Variants in NEGR1 observed in about 807,000 individuals in gnomAD.
The protein encoded by NEGR1 is IgLON family member 4.
NEGR1 carries 10 observed loss-of-function variants against 40.9 expected under a neutral mutation model. That is an observed-to-expected ratio of 0.24 (90% CI 0.15 to 0.42). The LOEUF is 0.42. NEGR1 is among the 10% of genes least tolerant of loss of function. The pLI is 1.00. For synonymous variants in NEGR1, 185 were observed against 166.8 expected, an observed-to-expected ratio of 1.11 and a Z score of -0.84; for missense variants, 352 against 438.9, an observed-to-expected ratio of 0.80 and a Z score of 1.77.
At chr1:71,655,118 T>C (rs559297899) in intron 4 of NEGR1, among the ~76,000 whole-genome samples, 2 of 152,330 alleles carry the variant, frequency 1.3e-5, no homozygotes, top group South Asian at 4.1e-4. Context: ...TTATTAAGTA[T>C]GCTTGTATTC....
At chr1:71,946,159 C>A (rs1461116409) in intron 1 of NEGR1, among the ~76,000 whole-genome samples, 2 of 152,128 alleles carry the variant, frequency 1.3e-5, no homozygotes, top group East Asian at 1.9e-4. Context: ...AGCGATCCAC[C>A]CGCCTTAGCC....
At position 72,244,186 on chromosome 1, in the gene NEGR1, T is replaced by G. The variant is rs116125570; in HGVS notation, c.176+38133A>C. Among the ~76,000 whole-genome samples the G allele has an allele frequency of 7.4e-4, 112 of 151,972 alleles. 1 individual carries two copies. The highest frequency in any genetic ancestry group is 1.4e-3 in the Admixed American group (22 of 15,238). ...ATATTCCATCATAAAAAAGTATTAC[T>G]GGATCTAGGCTGCTATTAATGCCTT... On this transcript the variant is annotated intron_variant, in intron 1 of 6. Transcript: ENST00000357731.
chr1:71,593,315 T>C (rs1649570191), intron 5 of NEGR1, among the ~76,000 whole-genome samples: 1 of 152,098 alleles, frequency 6.6e-6, no homozygotes, highest in African/African-American at 2.4e-5. Context: ...TTAAGGGAAA[T>C]AAATATAAAG....
chr1:71,483,669 T>C (rs1397330243), intron 6 of NEGR1, among the ~76,000 whole-genome samples: 1 of 151,742 alleles, frequency 6.6e-6, no homozygotes, highest in Non-Finnish European at 1.5e-5. Context: ...GAGAGTCTAA[T>C]GTCATGTTCA....
intron 1 of NEGR1, among the ~76,000 whole-genome samples, chr1:71,945,716 G>C (rs1018136043): frequency 2.0e-5 from 3 of 152,004 alleles, no homozygotes; most frequent in African/African-American, 7.2e-5. Flanking sequence ...CTTACATTCA[G>C]AAACCATATT....
chr1:71,626,713 G>A (rs1261395027), intron 4 of NEGR1, among the ~76,000 whole-genome samples: 4 of 151,952 alleles, frequency 2.6e-5, no homozygotes, highest in Non-Finnish European at 5.9e-5. Flanking sequence ...GCAACCAACA[G>A]AATGGGAGAA....
At chr1:71,513,917 G>T (rs1035344943) in intron 6 of NEGR1, among the ~76,000 whole-genome samples, 2 of 145,944 alleles carry the variant, frequency 1.4e-5, no homozygotes, top group South Asian at 2.3e-4. Flanking sequence ...CCTGGGAAGC[G>T]CAAGGGGTCA....
intron 4 of NEGR1, among the ~76,000 whole-genome samples, chr1:71,690,565 AAC>A (rs3980432): frequency 0.12 from 14,242 of 119,042 alleles, 1,491 homozygotes; most frequent in African/African-American, 0.28. Flanking sequence ...TAAGTTATAT[AAC>A]ACACACACAC....
chr1:71,963,128 C>T (rs930255678), intron 1 of NEGR1, among the ~76,000 whole-genome samples: 1 of 151,740 alleles, frequency 6.6e-6, no homozygotes, highest in African/African-American at 2.4e-5. Flanking sequence ...ATAGGGTAAT[C>T]CTATACATAA....
chr1:71,969,002 A>G (rs775432768), intron 1 of NEGR1, among the ~76,000 whole-genome samples: 5 of 151,240 alleles, frequency 3.3e-5, no homozygotes, highest in Non-Finnish European at 7.4e-5. Context: ...CCTACATCTC[A>G]TATGTTTTTT....
intron 3 of NEGR1, among the ~76,000 whole-genome samples, chr1:71,748,655 A>T (rs1433438969): frequency 6.6e-6 from 1 of 152,162 alleles, no homozygotes; most frequent in Non-Finnish European, 1.5e-5. Context: ...ATGCCAATGA[A>T]ATTTATTTCT....
intron 1 of NEGR1, among the ~76,000 whole-genome samples, chr1:72,112,314 T>G (rs539114554): frequency 6.6e-6 from 1 of 151,734 alleles, no homozygotes; most frequent in South Asian, 2.1e-4. Flanking sequence ...CATAATTATC[T>G]GAAAATGTAA....
At chr1:72,174,172 C>T (rs1313024128) in intron 1 of NEGR1, among the ~76,000 whole-genome samples, 3 of 151,982 alleles carry the variant, frequency 2.0e-5, no homozygotes, top group Non-Finnish European at 4.4e-5. Context: ...ACTTTCTTAA[C>T]GTAGACTGTT....
chr1:71,441,221 T>C (rs573622730), intron 6 of NEGR1, among the ~76,000 whole-genome samples: 13 of 152,352 alleles, frequency 8.5e-5, no homozygotes, highest in Admixed American at 4.6e-4. Context: ...AAAGTGAAGT[T>C]ATCAACTGAT....
chr1:71,565,642 G>C (rs1648595403), intron 6 of NEGR1, among the ~76,000 whole-genome samples: 1 of 151,996 alleles, frequency 6.6e-6, no homozygotes, highest in African/African-American at 2.4e-5. Context: ...ACAGTGCAGA[G>C]ACAGAAAAAT....
intron 1 of NEGR1, among the ~76,000 whole-genome samples, chr1:72,129,072 T>C (rs1395431817): frequency 1.3e-5 from 2 of 152,118 alleles, no homozygotes; most frequent in East Asian, 3.9e-4. Flanking sequence ...ACTACACCAC[T>C]GGCTTTCCTA....
Position 71,725,416 on chromosome 1 carries a change from T to C in NEGR1, c.536-27277A>G, listed in dbSNP as rs1246103168. Among the ~76,000 whole-genome samples, 3 of 152,144 alleles carry C rather than the reference T, an allele frequency of 2.0e-5. No individual in the cohort carries two copies. The East Asian group carries it at 5.8e-4, about 29-fold the overall frequency. ...TCTTGGATTGAACTTTTATCCATGC[T>C]GATAAGAGTTAAGGAAATGAGTTAA... On this transcript the variant is annotated intron_variant, in intron 3 of 6. Coordinates refer to ENST00000357731, the MANE Select transcript of NEGR1 (RefSeq NM_173808.3).
intron 6 of NEGR1, among the ~76,000 whole-genome samples, chr1:71,440,487 T>A (rs985534292): frequency 1.3e-5 from 2 of 152,368 alleles, no homozygotes; most frequent in Non-Finnish European, 2.9e-5. Flanking sequence ...CAAAATGTTG[T>A]AATAATCGAC....
At chr1:72,187,282 A>AT (rs1351120338) in intron 1 of NEGR1, among the ~76,000 whole-genome samples, 3 of 151,378 alleles carry the variant, frequency 2.0e-5, no homozygotes, top group Non-Finnish European at 4.4e-5. Context: ...TAAACTTCAT[A>AT]TTTTTTTCGC....
Sources: gnomAD v4.1 joint callset for allele counts (sites outside exome capture counted in the v4.1 genomes callset) on GRCh38, gnomAD v4.1.1 for gene constraint, MANE v1.5 for transcripts, NCBI Gene and HGNC (gene_info 2026-07-23, HGNC 2026-07-21) for gene names.